CLDN10: variants seen among roughly 807,000 people sequenced by gnomAD.
The protein encoded by CLDN10 is claudin 10, also known as claudin-10.
CLDN10 carries 15 observed loss-of-function variants against 22.9 expected under a neutral mutation model. That is an observed-to-expected ratio of 0.65 (90% CI 0.44 to 1.01). CLDN10 has a LOEUF of 1.01. Among genes scored for constraint, CLDN10 ranks in the 50% least tolerant of loss-of-function variants. The pLI is 0.00. For missense variants in CLDN10, 247 were observed against 287.8 expected, an observed-to-expected ratio of 0.86 and a Z score of 1.03; for synonymous variants, 114 against 111.4, an observed-to-expected ratio of 1.02 and a Z score of -0.15.
At chr13:95,545,721 T>C (rs2043501592) in intron 1 of CLDN10, among the ~76,000 whole-genome samples, 1 of 152,186 alleles carries the variant, frequency 6.6e-6, no homozygotes, top group Non-Finnish European at 1.5e-5. Context: ...CATTGGTTTT[T>C]AAATATTTTC....
At chr13:95,552,465 G>C (rs2043576431), upstream of CLDN10, among the ~76,000 whole-genome samples, 1 of 152,210 alleles carries the variant, frequency 6.6e-6, no homozygotes, top group Admixed American at 6.5e-5. Context: ...CCTTCTCCGC[G>C]GCCCTTTGGC....
intron 1 of CLDN10, among the ~76,000 whole-genome samples, chr13:95,468,649 C>T (rs2139098289): frequency 6.6e-6 from 1 of 152,150 alleles, no homozygotes; most frequent in South Asian, 2.1e-4. Flanking sequence ...TCATTTGAAC[C>T]CCAGAGGTGG....
chr13:95,448,141 G>T (rs530505571), intron 1 of CLDN10, among the ~76,000 whole-genome samples: 13 of 151,974 alleles, frequency 8.6e-5, no homozygotes, highest in East Asian at 7.7e-4. Context: ...CACCAGGCAG[G>T]TTCTACAGCT....
intron 1 of CLDN10, among the ~76,000 whole-genome samples, chr13:95,520,138 C>A (rs900417848): frequency 1.3e-5 from 2 of 152,108 alleles, no homozygotes; most frequent in Non-Finnish European, 2.9e-5. Flanking sequence ...CCATATTAAC[C>A]CTAACCCTAA....
chr13:95,449,905 G>A (rs961428957), intron 1 of CLDN10, among the ~76,000 whole-genome samples: 2 of 151,942 alleles, frequency 1.3e-5, no homozygotes, highest in African/African-American at 2.4e-5. Context: ...CACCACGCCC[G>A]GCTGATTTTT....
intron 1 of CLDN10, among the ~76,000 whole-genome samples, chr13:95,459,937 G>A (rs1325001459): frequency 6.6e-6 from 1 of 152,112 alleles, no homozygotes; most frequent in Non-Finnish European, 1.5e-5. Flanking sequence ...ATGCTTTCAA[G>A]AGCACCCAAG....
intron 1 of CLDN10, among the ~76,000 whole-genome samples, chr13:95,495,763 A>AAAAAG (rs2042923896): frequency 6.6e-6 from 1 of 150,458 alleles, no homozygotes; most frequent in African/African-American, 2.4e-5. Context: ...AAAAAAGAAA[A>AAAAAG]GAAAGAAAGA....
intron 1 of CLDN10, among the ~76,000 whole-genome samples, chr13:95,509,686 C>T (rs1305713848): frequency 6.6e-6 from 1 of 152,128 alleles, no homozygotes; most frequent in African/African-American, 2.4e-5. Flanking sequence ...TCTGCTTTTC[C>T]CTACGGTGAT....
chr13:95,444,272 T>G (rs940045478), intron 1 of CLDN10, among the ~76,000 whole-genome samples: 2 of 152,204 alleles, frequency 1.3e-5, no homozygotes, highest in African/African-American at 4.8e-5. Context: ...TAATGTACAT[T>G]ATAGAAAGCG....
intron 1 of CLDN10, among the ~76,000 whole-genome samples, chr13:95,523,367 A>C (rs1051052850): frequency 6.6e-6 from 1 of 152,152 alleles, no homozygotes; most frequent in Non-Finnish European, 1.5e-5. Flanking sequence ...TTAATTCTAT[A>C]TGTATTTTAA....
intron 1 of CLDN10, among the ~76,000 whole-genome samples, chr13:95,496,151 C>T (rs2042927753): frequency 6.6e-6 from 1 of 152,248 alleles, no homozygotes; most frequent in Admixed American, 6.5e-5. Context: ...CTCTTTTCAA[C>T]TACCAAACCC....
chr13:95,543,368 C>T (rs532467494), intron 1 of CLDN10, among the ~76,000 whole-genome samples: 31 of 152,216 alleles, frequency 2.0e-4, no homozygotes, highest in African/African-American at 6.7e-4. Context: ...GTACATACCA[C>T]TTAGGGCTTA....
intron 1 of CLDN10, among the ~76,000 whole-genome samples, chr13:95,507,363 C>T (rs868740122): frequency 2.0e-5 from 3 of 152,264 alleles, no homozygotes; most frequent in Non-Finnish European, 4.4e-5. Flanking sequence ...GTTTGAATCC[C>T]ACATCACCCA....
At chr13:95,559,076 G>GT (rs150585133) in intron 1 of CLDN10, among the ~76,000 whole-genome samples, 1,566 of 152,164 alleles carry the variant, frequency 0.01, 29 homozygotes, top group African/African-American at 0.036. Flanking sequence ...CACATAAGAG[G>GT]TTTTTTCCAG....
At chr13:95,437,594 G>GC (rs1045678093) in intron 1 of CLDN10, among the ~76,000 whole-genome samples, 2 of 152,168 alleles carry the variant, frequency 1.3e-5, no homozygotes, top group African/African-American at 4.8e-5. Context: ...TTCCTGTCGT[G>GC]CCCCTGGCAC....
intron 1 of CLDN10, among the ~76,000 whole-genome samples, chr13:95,486,357 T>A (rs2138506242): frequency 6.6e-6 from 1 of 152,120 alleles, no homozygotes; most frequent in African/African-American, 2.4e-5. Flanking sequence ...ACTCCGTCTC[T>A]ACTAAAAATA....
At chr13:95,493,644 C>G (rs2042899532) in intron 1 of CLDN10, among the ~76,000 whole-genome samples, 1 of 151,726 alleles carries the variant, frequency 6.6e-6, no homozygotes, top group Non-Finnish European at 1.5e-5. Flanking sequence ...ACTGCAACCT[C>G]CACCTTCCGG....
In CLDN10 at chr13:95,564,999, C is replaced by A. The variant is rs932251194; in HGVS notation, c.464+4536C>A. Among the ~76,000 whole-genome samples, 7 of 151,856 alleles carry A rather than the reference C, an allele frequency of 4.6e-5. No homozygotes were observed. In the East Asian group the frequency reaches 1.3e-3, roughly 29 times the overall value. On this transcript the variant is annotated intron_variant, in intron 3 of 4. Transcript: ENST00000299339. ...CCCTTTTGTTTTGCTTTTTTTCATT[C>A]GAGCTATGACTATGTTTGATGACTC... is the stretch of plus-strand genomic sequence containing the variant.
chr13:95,445,243 T>C (rs1242366183), intron 1 of CLDN10, among the ~76,000 whole-genome samples: 1 of 152,202 alleles, frequency 6.6e-6, no homozygotes, highest in Non-Finnish European at 1.5e-5. Context: ...AGCACATAAT[T>C]GGAATGGCTG....
Sources: allele counts gnomAD v4.1 joint callset (sites outside exome capture counted in the v4.1 genomes callset), GRCh38; gene constraint gnomAD v4.1.1; transcripts MANE v1.5; gene names NCBI Gene and HGNC (gene_info 2026-07-23, HGNC 2026-07-21).